LEKR1: variants seen among roughly 807,000 people sequenced by gnomAD.
The protein encoded by LEKR1 is protein LEKR1.
LEKR1 carries 59 observed loss-of-function variants against 72.4 expected under a neutral mutation model. That is an observed-to-expected ratio of 0.82 (90% CI 0.66 to 1.01). The LOEUF (loss-of-function observed/expected upper bound fraction) is 1.01, where lower values mean the gene tolerates loss of function less well. Among genes scored for constraint, LEKR1 ranks in the 50% least tolerant of loss-of-function variants. LEKR1 has a pLI of 0.00. For missense variants in LEKR1, 728 were observed against 759.2 expected, an observed-to-expected ratio of 0.96 and a Z score of 0.48; for synonymous variants, 257 against 263.2, an observed-to-expected ratio of 0.98 and a Z score of 0.23.
intron 6 of LEKR1, among the ~76,000 whole-genome samples, chr3:156,977,120 TACTC>T (rs1729762555): frequency 6.6e-6 from 1 of 152,050 alleles, no homozygotes; most frequent in South Asian, 2.1e-4. Flanking sequence ...TGATGAAAAA[TACTC>T]ACTCTCTTCT....
chr3:156,862,768 G>C (rs1716909122), intron 3 of LEKR1, among the ~76,000 whole-genome samples: 1 of 151,978 alleles, frequency 6.6e-6, no homozygotes, highest in Non-Finnish European at 1.5e-5. Context: ...CAATTTAATT[G>C]GTGTTTTAAC....
chr3:156,861,441 G>A (rs1384888211), intron 3 of LEKR1, among the ~76,000 whole-genome samples: 3 of 152,102 alleles, frequency 2.0e-5, no homozygotes, highest in Non-Finnish European at 4.4e-5. Flanking sequence ...GTTCTTATGG[G>A]ATGGGGCCTA....
At chr3:156,830,890 C>T (rs1262187064) in intron 2 of LEKR1, among the ~76,000 whole-genome samples, 1 of 152,152 alleles carries the variant, frequency 6.6e-6, no homozygotes, top group Admixed American at 6.5e-5. Context: ...GACCAAGATG[C>T]AGCAGACAAG....
At chr3:156,977,731 T>C in intron 6 of LEKR1, 1 of 236,520 alleles carries the variant, frequency 4.2e-6, no homozygotes, top group East Asian at 1.1e-4. Context: ...TCTGAAAACA[T>C]ACTGGAGTCA....
intron 9 of LEKR1, 82 bp downstream of exon 9, chr3:156,993,359 CATATT>C (rs1438181277): frequency 1.2e-6 from 1 of 828,338 alleles, no homozygotes; most frequent in Non-Finnish European, 1.9e-6. Context: ...CAGTGTCTGA[CATATT>C]ATAACAATAG....
At chr3:156,837,971 A>T (rs1204766250) in intron 2 of LEKR1, among the ~76,000 whole-genome samples, 1 of 152,174 alleles carries the variant, frequency 6.6e-6, no homozygotes, top group African/African-American at 2.4e-5. Flanking sequence ...TCATTTTGCA[A>T]GATGTAGCCA....
chr3:157,003,888 T>A (rs1167336609), intron 9 of LEKR1, among the ~76,000 whole-genome samples: 1 of 150,634 alleles, frequency 6.6e-6, no homozygotes, highest in Admixed American at 6.6e-5. Context: ...TCATAAAACA[T>A]GCAAAATCCA....
intron 3 of LEKR1, among the ~76,000 whole-genome samples, chr3:156,855,358 G>T (rs550955347): frequency 6.6e-6 from 1 of 151,954 alleles, no homozygotes; most frequent in Admixed American, 6.6e-5. Context: ...ATGTTACCTC[G>T]TGGTTATTTA....
intron 3 of LEKR1, among the ~76,000 whole-genome samples, chr3:156,892,077 T>G (rs1720722118): frequency 6.6e-6 from 1 of 151,778 alleles, no homozygotes; most frequent in African/African-American, 2.4e-5. Flanking sequence ...AATAAATTGA[T>G]CCAGAGTTGG....
In LEKR1 at chr3:157,045,661, C is replaced by A. The variant is rs773593519; in HGVS notation, c.1990C>A (p.Pro664Thr). ...VRSGVPILPQ[P>T]HPPRGGASSA... Reference sequence around the variant, plus strand: ...ATCAGGCGTGCCCATTCTCCCCCAGCCACATCCTCCCAGGGGTGGAGCATC... The same window carrying A: ...ATCAGGCGTGCCCATTCTCCCCCAGACACATCCTCCCAGGGGTGGAGCATC... Residue 664 changes from proline (P) to threonine (T), a missense_variant, in exon 13 of 13, where the codon CCA becomes ACA. Pro to Thr is a conservative substitution (Grantham distance 38, BLOSUM62 -1). Coordinates refer to ENST00000356539, the MANE Select transcript of LEKR1 (RefSeq NM_001004316.3). 1 of 1,614,092 alleles carries A rather than the reference C, an allele frequency of 6.2e-7. No homozygotes were observed. Among genetic ancestry groups the A allele is most frequent in the Non-Finnish European group, 8.5e-7 (1 of 1,180,014 alleles).
intron 3 of LEKR1, among the ~76,000 whole-genome samples, chr3:156,863,608 G>T (rs1187125253): frequency 6.6e-6 from 1 of 152,006 alleles, no homozygotes; most frequent in Non-Finnish European, 1.5e-5. Context: ...GGAGAAAAAT[G>T]AATTAACTCA....
chr3:156,972,925 C>T (rs1292743884), intron 6 of LEKR1, among the ~76,000 whole-genome samples: 1 of 151,854 alleles, frequency 6.6e-6, no homozygotes, highest in Non-Finnish European at 1.5e-5. Flanking sequence ...ATAAATATAT[C>T]TTAATGATAT....
intron 9 of LEKR1, among the ~76,000 whole-genome samples, chr3:156,999,085 C>T (rs986583374): frequency 9.9e-5 from 15 of 152,110 alleles, no homozygotes; most frequent in African/African-American, 3.4e-4. Context: ...TCCATCCTGC[C>T]GCCCTGTGAA....
At chr3:156,883,991 TA>T (rs1719779241) in intron 3 of LEKR1, among the ~76,000 whole-genome samples, 1 of 152,344 alleles carries the variant, frequency 6.6e-6, no homozygotes, top group African/African-American at 2.4e-5. Context: ...AGGATTGTGA[TA>T]TTTTCTTACT....
In LEKR1 at chr3:156,946,883, A is replaced by T. The variant is rs963769981; in HGVS notation, c.745+4169A>T. ...CTTCTAGGTTTTCAAATTTATTGGC[A>T]TATAGTTGCTCATAGTAGCCTCTAA... On this transcript the variant is annotated intron_variant, in intron 6 of 12. Transcript: ENST00000356539. Among the ~76,000 whole-genome samples the T allele has an allele frequency of 3.3e-5, 5 of 151,336 alleles. No homozygotes were observed. In the East Asian group the frequency reaches 9.7e-4, roughly 29 times the overall value.
At position 157,031,594 on chromosome 3, in the gene LEKR1, A is replaced by C. The variant is rs139034321; in HGVS notation, c.1668+3192A>C. Among the ~76,000 whole-genome samples the C allele has an allele frequency of 4.1e-3, 628 of 152,292 alleles. 2 individuals are homozygous for C. The highest frequency in any genetic ancestry group is 0.015 in the African/African-American group (604 of 41,578). ...ATAAAAGGGATAGGATTTATGAGCCAAAAAGAATAGAGGCCATAGCATGTA... is the reference window on the plus strand; with the variant it reads ...ATAAAAGGGATAGGATTTATGAGCCCAAAAGAATAGAGGCCATAGCATGTA... On this transcript the variant is annotated intron_variant, in intron 12 of 12. Coordinates refer to ENST00000356539, the MANE Select transcript of LEKR1 (RefSeq NM_001004316.3).
chr3:156,853,060 T>C lies in LEKR1; in HGVS notation c.263+78T>C, dbSNP rs1176311252. The stretch of plus-strand genomic sequence containing the variant: ...GAAATAAATACACTTTGAATGTTTT[T>C]CTAAAATTTCTCTACATCAGGTATA... On this transcript the variant is annotated intron_variant, in intron 3 of 12. Coordinates refer to ENST00000356539, the MANE Select transcript of LEKR1 (RefSeq NM_001004316.3). 4.2e-6 allele frequency: 4 copies of C among 945,068 alleles called. No homozygotes were observed. In the Admixed American group the frequency reaches 7.8e-5, roughly 18 times the overall value. 58.5% of individuals were successfully genotyped at this position (945,068 alleles called of 1,614,324 possible).
chr3:157,045,795 T>G lies in LEKR1; in HGVS notation c.*45T>G. The G allele has an allele frequency of 6.7e-7, 1 of 1,495,818 alleles. No homozygotes were observed. The allele number at this position is 1,495,818 out of a possible 1,614,324, so 92.7% of individuals were successfully genotyped here. On this transcript the variant is annotated 3_prime_UTR_variant, in exon 13 of 13. Transcript: ENST00000356539. ...AGCTCCCTACAGCGTGCACGCTCTT[T>G]CAGAGAGTGCCAGGAATTCACTGTA...
chr3:157,022,034 A>G (rs1192295943), intron 10 of LEKR1, among the ~76,000 whole-genome samples: 3 of 152,202 alleles, frequency 2.0e-5, no homozygotes, highest in Non-Finnish European at 4.4e-5. Flanking sequence ...TGAGAAAAGT[A>G]GTGGAAGTCA....
Sources: gnomAD v4.1 joint callset for allele counts (sites outside exome capture counted in the v4.1 genomes callset) on GRCh38, gnomAD v4.1.1 for gene constraint, MANE v1.5 for transcripts, NCBI Gene and HGNC (gene_info 2026-07-23, HGNC 2026-07-21) for gene names.